The following LRRC4C variants were observed in gnomAD, a reference collection of about 807,000 sequenced individuals.
LRRC4C encodes the protein leucine rich repeat containing 4C.
LRRC4C carries 5 observed loss-of-function variants against 33.6 expected under a neutral mutation model. The ratio of observed to expected loss-of-function variants is 0.15; its 90% CI spans 0.08 to 0.31. The LOEUF is 0.31. LRRC4C is among the 10% of genes least tolerant of loss of function. LRRC4C has a pLI of 1.00. For synonymous variants in LRRC4C, 329 were observed against 302.0 expected (o/e 1.09, Z -0.93); for missense variants, 560 against 796.7 (o/e 0.70, Z 3.58).
intron 3 of LRRC4C, among the ~76,000 whole-genome samples, chr11:40,507,123 C>T (rs1381486146): frequency 3.3e-5 from 5 of 151,930 alleles, no homozygotes; most frequent in Non-Finnish European, 7.4e-5. Flanking sequence ...CCTTCATAGG[C>T]ATAACAGAAA....
At chr11:41,207,049 T>G (rs79232559) in intron 1 of LRRC4C, among the ~76,000 whole-genome samples, 4,969 of 152,272 alleles carry the variant, frequency 0.033, 271 homozygotes, top group African/African-American at 0.11. Context: ...GTATTCCTTA[T>G]AAGCATATTT....
chr11:40,186,758 G>A (rs764992802), intron 5 of LRRC4C, among the ~76,000 whole-genome samples: 1 of 152,178 alleles, frequency 6.6e-6, no homozygotes, highest in Admixed American at 6.5e-5. Context: ...GGGAAGGTAG[G>A]CTTCCTGAAA....
At chr11:40,885,073 T>C (rs1023017598) in intron 2 of LRRC4C, among the ~76,000 whole-genome samples, 3 of 152,040 alleles carry the variant, frequency 2.0e-5, no homozygotes, top group Admixed American at 2.0e-4. Context: ...AGCCCAAACT[T>C]CATCATTATG....
At chr11:40,787,261 T>TC (rs1554960238) in intron 2 of LRRC4C, among the ~76,000 whole-genome samples, 1 of 150,266 alleles carries the variant, frequency 6.7e-6, no homozygotes, top group Admixed American at 6.6e-5. Flanking sequence ...AATTGCCAAC[T>TC]GGGGGGGGTA....
chr11:40,512,006 T>A (rs149522871), intron 3 of LRRC4C, among the ~76,000 whole-genome samples: 1 of 152,110 alleles, frequency 6.6e-6, no homozygotes, highest in African/African-American at 2.4e-5. Flanking sequence ...TTCTTTAGCA[T>A]GTATTAGTGC....
chr11:40,547,923 G>A (rs369639545), intron 3 of LRRC4C, among the ~76,000 whole-genome samples: 1 of 152,202 alleles, frequency 6.6e-6, no homozygotes, highest in East Asian at 1.9e-4. Flanking sequence ...CTGTTCTAGT[G>A]ATTGGAGCGA....
At chr11:40,424,717 C>G (rs1320604048) in intron 3 of LRRC4C, among the ~76,000 whole-genome samples, 4 of 152,106 alleles carry the variant, frequency 2.6e-5, no homozygotes, top group Non-Finnish European at 5.9e-5. Context: ...TGAATAAATG[C>G]AGCCAAATGT....
chr11:40,912,519 C>T (rs1956745133), intron 2 of LRRC4C, among the ~76,000 whole-genome samples: 1 of 152,142 alleles, frequency 6.6e-6, no homozygotes. Flanking sequence ...CACCACCAGG[C>T]CTGCCCTAAA....
chr11:41,341,833 T>G (rs1009316711), intron 1 of LRRC4C, among the ~76,000 whole-genome samples: 8 of 152,228 alleles, frequency 5.3e-5, no homozygotes, highest in African/African-American at 1.9e-4. Context: ...GCAGAGATAT[T>G]TTCCTACTAG....
intron 3 of LRRC4C, among the ~76,000 whole-genome samples, chr11:40,471,030 G>T (rs914340146): frequency 1.6e-4 from 25 of 152,098 alleles, no homozygotes; most frequent in African/African-American, 5.6e-4. Context: ...AGGAAATACA[G>T]AGAACACCAC....
chr11:41,339,915 T>G (rs1380124113), intron 1 of LRRC4C, among the ~76,000 whole-genome samples: 1 of 152,158 alleles, frequency 6.6e-6, no homozygotes, highest in Admixed American at 6.6e-5. Flanking sequence ...CCAGCCTCAG[T>G]GAAGGTCAAA....
chr11:41,442,485 T>C, intron 1 of LRRC4C, among the ~76,000 whole-genome samples: 1 of 141,116 alleles, frequency 7.1e-6, no homozygotes. Context: ...TTTTTTTTTT[T>C]TTGAGACAGA....
At chr11:40,208,578 A>C (rs1160145031) in intron 5 of LRRC4C, among the ~76,000 whole-genome samples, 1 of 152,144 alleles carries the variant, frequency 6.6e-6, no homozygotes, top group East Asian at 1.9e-4. Flanking sequence ...AAGCAGGGGA[A>C]AAAAAAGCCC....
intron 1 of LRRC4C, among the ~76,000 whole-genome samples, chr11:41,287,444 T>TTGTTA (rs1949863454): frequency 6.6e-6 from 1 of 152,154 alleles, no homozygotes; most frequent in African/African-American, 2.4e-5. Context: ...TTTTTGCGTT[T>TTGTTA]TGTTTTGTTT....
chr11:40,960,327 G>T, intron 1 of LRRC4C, among the ~76,000 whole-genome samples: 1 of 151,830 alleles, frequency 6.6e-6, no homozygotes. Flanking sequence ...AGATGTCAAT[G>T]ATATGTAAGA....
chr11:41,368,101 C>T (rs912445612), intron 1 of LRRC4C, among the ~76,000 whole-genome samples: 7 of 152,258 alleles, frequency 4.6e-5, no homozygotes, highest in African/African-American at 1.4e-4. Flanking sequence ...ATATATTTAT[C>T]AGAGTACTCA....
intron 3 of LRRC4C, among the ~76,000 whole-genome samples, chr11:40,451,180 A>C (rs1951865614): frequency 6.6e-6 from 1 of 151,682 alleles, no homozygotes; most frequent in Non-Finnish European, 1.5e-5. Context: ...ATCAGAGCAA[A>C]AGTGGATAAG....
chr11:41,122,870 T>C (rs1942511628), intron 1 of LRRC4C: 3 of 152,142 alleles, frequency 2.0e-5, no homozygotes, highest in African/African-American at 7.2e-5. Flanking sequence ...TTTGTTATAC[T>C]AAACAATTTA....
At chr11:40,282,519 G>C (rs1391355804) in intron 4 of LRRC4C, among the ~76,000 whole-genome samples, 1 of 152,012 alleles carries the variant, frequency 6.6e-6, no homozygotes, top group Non-Finnish European at 1.5e-5. Context: ...TCAAAAGCAG[G>C]ATGAAGCATG....
Sources: allele counts gnomAD v4.1 joint callset (sites outside exome capture counted in the v4.1 genomes callset), GRCh38; gene constraint gnomAD v4.1.1; transcripts MANE v1.5; gene names NCBI Gene and HGNC (gene_info 2026-07-23, HGNC 2026-07-21).